Variants in COL10A1 observed in about 807,000 individuals in gnomAD.
COL10A1 encodes the protein collagen type X alpha 1 chain, also known as collagen alpha-1(X) chain.
COL10A1 carries 10 observed loss-of-function variants against 18.2 expected under a neutral mutation model. That is an observed-to-expected ratio of 0.55 (90% CI 0.34 to 0.93). The LOEUF is 0.93. Among genes scored for constraint, COL10A1 ranks in the 40% least tolerant of loss-of-function variants. The probability of loss-of-function intolerance (pLI) is 0.02; values close to 1 mark genes in which losing one functional copy is unlikely to be tolerated. For synonymous variants in COL10A1, 330 were observed against 316.6 expected (o/e 1.04, Z -0.45); for missense variants, 897 against 853.5 (o/e 1.05, Z -0.64).
the COL10A1 span, among the ~76,000 whole-genome samples, chr6:116,184,799 C>G: frequency 6.6e-6 from 1 of 151,982 alleles, no homozygotes; most frequent in Non-Finnish European, 1.5e-5. Context: ...CACTAATGGT[C>G]TATCAATCTA....
At position 116,120,402 on chromosome 6, in the gene COL10A1, C is replaced by T. The variant is rs768520974; in HGVS notation, c.1714G>A (p.Asp572Asn). ...YPAIGTPIPF[D>N]KILYNRQQHY... The stretch of plus-strand genomic sequence containing the variant: ...TGTTGCCTGTTATACAAAATTTTAT[C>T]AAATGGTATGGGAGTTCCTATTGCT... The change falls in exon 3 of 3, where the codon GAT (aspartate) becomes AAT (asparagine). Residue 572 changes from aspartate to asparagine, a missense_variant. Coordinates refer to ENST00000651968, the MANE Select transcript of COL10A1 (RefSeq NM_000493.4). The T allele has an allele frequency of 3.1e-6, 5 of 1,614,238 alleles. No individual in the cohort carries two copies. In the South Asian group the frequency reaches 5.5e-5, roughly 18 times the overall value.
chr6:116,182,201 G>C, the COL10A1 span, among the ~76,000 whole-genome samples: 1 of 137,230 alleles, frequency 7.3e-6, no homozygotes, highest in African/African-American at 2.8e-5. Context: ...TCTTTTTATG[G>C]CTGAGTAGTA....
At chr6:116,178,078 TGTGTGTGTGTGCGCGCGCGCGCGCGTGC>T in the COL10A1 span, among the ~76,000 whole-genome samples, 3 of 111,264 alleles carry the variant, frequency 2.7e-5, no homozygotes, top group Non-Finnish European at 5.6e-5. Context: ...TGTGTGTGTG[TGTGTGTGTGTGCGCGCGCGCGCGCGTGC>T]GTGCGTGTGT....
At chr6:116,137,946 G>A (rs1006719343) in intron 1 of COL10A1, among the ~76,000 whole-genome samples, 1 of 152,098 alleles carries the variant, frequency 6.6e-6, no homozygotes, top group African/African-American at 2.4e-5. Context: ...AGGCGTGGTG[G>A]TGTGTGTCTG....
chr6:116,125,554 A>G lies in COL10A1; in HGVS notation c.-15-47T>C. 2.6e-6 allele frequency: 4 copies of G among 1,551,778 alleles called. No homozygotes were observed. The East Asian group carries it at 6.8e-5, about 26-fold the overall frequency. The stretch of plus-strand genomic sequence containing the variant: ...CTTTATACAGCATTGTTATTAACCT[A>G]TTTTTTTATTCTCATGTTTCACAGA... On this transcript the variant is annotated intron_variant, in intron 1 of 2. Coordinates refer to ENST00000651968, the MANE Select transcript of COL10A1 (RefSeq NM_000493.4).
chr6:116,195,506 G>C, the COL10A1 span, among the ~76,000 whole-genome samples: 1 of 151,922 alleles, frequency 6.6e-6, no homozygotes, highest in African/African-American at 2.4e-5. Context: ...TTTAAGAATA[G>C]TTCAATACAG....
At chr6:116,208,861 C>G in the COL10A1 span, among the ~76,000 whole-genome samples, 18 of 152,008 alleles carry the variant, frequency 1.2e-4, no homozygotes, top group Middle Eastern at 3.2e-3. Flanking sequence ...AGAGACCCAT[C>G]ATCTGGCTCA....
the COL10A1 span, among the ~76,000 whole-genome samples, chr6:116,181,893 G>T: frequency 6.6e-6 from 1 of 151,974 alleles, no homozygotes; most frequent in Non-Finnish European, 1.5e-5. Context: ...ATTTCAATAG[G>T]TTTTTGGGAA....
intron 1 of COL10A1, among the ~76,000 whole-genome samples, chr6:116,135,872 T>TATACACAC (rs368675402): frequency 8.2e-5 from 10 of 121,310 alleles, no homozygotes; most frequent in African/African-American, 3.5e-4. Flanking sequence ...TATATATATA[T>TATACACAC]ACACACATAC....
At chr6:116,171,647 C>T in the COL10A1 span, among the ~76,000 whole-genome samples, 1 of 152,164 alleles carries the variant, frequency 6.6e-6, no homozygotes, top group Non-Finnish European at 1.5e-5. Context: ...GCTGAATTCT[C>T]TCTTTGGTAT....
the COL10A1 span, among the ~76,000 whole-genome samples, chr6:116,178,052 AGTGTGTGTGTGTGTGTGTGTGTGTGT>A: frequency 1.5e-5 from 2 of 136,318 alleles, no homozygotes; most frequent in Non-Finnish European, 3.2e-5. Flanking sequence ...CAAAGAGGAA[AGTGTGTGTGTGTGTGTGTGTGTGTGT>A]GTGTGTGTGT....
chr6:116,170,365 C>T, the COL10A1 span, among the ~76,000 whole-genome samples: 1 of 151,918 alleles, frequency 6.6e-6, no homozygotes, highest in Non-Finnish European at 1.5e-5. Flanking sequence ...AAACTGAATT[C>T]GAAGTCTATT....
At position 116,147,815 on chromosome 6, in the gene COL10A1, G is replaced by A. The variant is rs147171754; in HGVS notation, c.-16+10799C>T. 7.5e-4 allele frequency among the ~76,000 whole-genome samples: 114 copies of A among 152,260 alleles called. 1 individual carries two copies. The East Asian group carries it at 0.019, about 26-fold the overall frequency. On this transcript the variant is annotated intron_variant, in intron 1 of 1. Coordinates refer to the COL10A1 transcript ENST00000418500. ...ATTGATTATACCATTGTTTGTAATA[G>A]CAGAAGAAGGAACTGCTCAAATATT...
the COL10A1 span, among the ~76,000 whole-genome samples, chr6:116,212,830 A>G: frequency 6.6e-6 from 1 of 152,098 alleles, no homozygotes; most frequent in Non-Finnish European, 1.5e-5. Context: ...AAGTATGTAG[A>G]ATTTGCTTTA....
chr6:116,169,244 G>C, the COL10A1 span, among the ~76,000 whole-genome samples: 1 of 152,132 alleles, frequency 6.6e-6, no homozygotes, highest in African/African-American at 2.4e-5. Flanking sequence ...CTGTTAAGCA[G>C]GTATTTTTTA....
At chr6:116,148,598 T>G (rs999971341) in intron 1 of COL10A1, among the ~76,000 whole-genome samples, 2 of 152,158 alleles carry the variant, frequency 1.3e-5, no homozygotes, top group African/African-American at 4.8e-5. Flanking sequence ...AACAGTTTAT[T>G]ATATGTATTT....
chr6:116,162,358 T>C (rs1293383274), upstream of COL10A1, among the ~76,000 whole-genome samples: 1 of 152,220 alleles, frequency 6.6e-6, no homozygotes, highest in Non-Finnish European at 1.5e-5. Flanking sequence ...TTGGTCCAGT[T>C]CTTAAAGGAA....
chr6:116,175,526 C>G, the COL10A1 span, among the ~76,000 whole-genome samples: 1 of 152,200 alleles, frequency 6.6e-6, no homozygotes, highest in Non-Finnish European at 1.5e-5. Flanking sequence ...TGTCTCTCCT[C>G]TTTCTCTGGG....
At chr6:116,182,292 T>C in the COL10A1 span, among the ~76,000 whole-genome samples, 1 of 151,782 alleles carries the variant, frequency 6.6e-6, no homozygotes, top group African/African-American at 2.4e-5. Context: ...CTTTGATTGA[T>C]GAACATTTGG....
Sources: allele counts gnomAD v4.1 joint callset (sites outside exome capture counted in the v4.1 genomes callset), GRCh38; gene constraint gnomAD v4.1.1; transcripts MANE v1.5; gene names NCBI Gene and HGNC (gene_info 2026-07-23, HGNC 2026-07-21).